LRMDA: variants seen among roughly 807,000 people sequenced by gnomAD.
The protein encoded by LRMDA is leucine rich melanocyte differentiation associated.
LRMDA carries 18 observed loss-of-function variants against 29.8 expected under a neutral mutation model. The ratio of observed to expected loss-of-function variants is 0.60; its 90% confidence interval spans 0.42 to 0.90. The LOEUF is 0.90. LRMDA is among the 40% of genes least tolerant of loss of function. The probability of loss-of-function intolerance (pLI) is 0.00; values close to 1 mark genes in which losing one functional copy is unlikely to be tolerated. For missense variants in LRMDA, 273 were observed against 273.9 expected (o/e 1.00, Z 0.02); for synonymous variants, 125 against 109.4 (o/e 1.14, Z -0.89).
At chr10:76,302,693 T>G (rs1840496690) in intron 5 of LRMDA, among the ~76,000 whole-genome samples, 1 of 152,224 alleles carries the variant, frequency 6.6e-6, no homozygotes, top group African/African-American at 2.4e-5. Flanking sequence ...CTTTGGTGAT[T>G]GTGAGATATT....
At chr10:75,846,881 C>A (rs898011978) in intron 2 of LRMDA, among the ~76,000 whole-genome samples, 7 of 152,064 alleles carry the variant, frequency 4.6e-5, no homozygotes, top group Admixed American at 2.0e-4. Flanking sequence ...TGGAAAGATA[C>A]CCTATGTACA....
At chr10:76,305,800 G>C (rs951883263) in intron 5 of LRMDA, among the ~76,000 whole-genome samples, 2 of 152,024 alleles carry the variant, frequency 1.3e-5, no homozygotes, top group East Asian at 3.9e-4. Flanking sequence ...TGAAACTTTT[G>C]ATGTTAACAG....
At chr10:75,718,265 G>T (rs555158527) in intron 2 of LRMDA, among the ~76,000 whole-genome samples, 189 of 152,304 alleles carry the variant, frequency 1.2e-3, no homozygotes, top group African/African-American at 4.2e-3. Flanking sequence ...CAGGTCTGTG[G>T]GTTGGTTGAG....
At chr10:76,278,813 A>G (rs538082844) in intron 5 of LRMDA, among the ~76,000 whole-genome samples, 1 of 152,190 alleles carries the variant, frequency 6.6e-6, no homozygotes, top group Non-Finnish European at 1.5e-5. Flanking sequence ...CTTTATTGAA[A>G]GATTCTTTTA....
rs180763033 is a variant in LRMDA, at chr10:76,206,884, G to A, written c.517-117517G>A. On this transcript the variant is annotated intron_variant, in intron 5 of 6. Coordinates refer to ENST00000611255, the MANE Select transcript of LRMDA (RefSeq NM_001305581.2). Reference sequence around the variant, plus strand: ...CTACCTATCTCCTTAAAGAGTCAGTGCCCATTTGTCCGGGGCTTGCTATGC... The same window carrying A: ...CTACCTATCTCCTTAAAGAGTCAGTACCCATTTGTCCGGGGCTTGCTATGC... Among the ~76,000 whole-genome samples the A allele has an allele frequency of 2.6e-3, 402 of 152,316 alleles. 1 individual carries two copies. The highest frequency in any genetic ancestry group is 0.017 in the Middle Eastern group (5 of 294).
At chr10:75,507,290 T>C (rs1440676738) in intron 2 of LRMDA, among the ~76,000 whole-genome samples, 1 of 152,158 alleles carries the variant, frequency 6.6e-6, no homozygotes, top group Non-Finnish European at 1.5e-5. Flanking sequence ...GGGGCGACCC[T>C]GGAGTGTCAC....
rs1198060291 is a variant in LRMDA at position 76,276,051 on chromosome 10, A to ATCTTTCTTTC, written c.517-48347_517-48346insTTCTTTCTCT. Among the ~76,000 whole-genome samples, 72 of 127,588 alleles carry ATCTTTCTTTC rather than the reference A, an allele frequency of 5.6e-4. No homozygotes were observed. In the East Asian group the frequency reaches 0.013, roughly 24 times the overall value. The allele number at this position is 127,588 out of a possible 152,430, so 83.7% of individuals were successfully genotyped here. The stretch of plus-strand genomic sequence containing the variant: ...TATCTATCTATCTATCTATCTATCT[A>ATCTTTCTTTC]TCTCTTTCTTTCTCTCTTTCTTTCT... On this transcript the variant is annotated intron_variant, in intron 5 of 6. Transcript: ENST00000611255.
At chr10:75,766,406 A>C (rs1030426213) in intron 2 of LRMDA, among the ~76,000 whole-genome samples, 1 of 152,148 alleles carries the variant, frequency 6.6e-6, no homozygotes, top group Non-Finnish European at 1.5e-5. Flanking sequence ...AAGGAGTGGA[A>C]GAATAAACCC....
Position 75,892,294 on chromosome 10 carries a change from G to C in LRMDA, c.132-143714G>C, listed in dbSNP as rs528599978. On this transcript the variant is annotated intron_variant, in intron 2 of 6. Transcript: ENST00000611255. ...TCTATGCCAACTCCAGTGCACACTA[G>C]GGAAACCTGGACTCCACACTGACTG... Among the ~76,000 whole-genome samples the C allele has an allele frequency of 1.6e-4, 24 of 152,274 alleles. No individual in the cohort carries two copies. The South Asian group carries it at 4.8e-3, about 30-fold the overall frequency.
intron 6 of LRMDA, among the ~76,000 whole-genome samples, chr10:76,528,642 A>G (rs1294324490): frequency 6.6e-6 from 1 of 152,170 alleles, no homozygotes; most frequent in Non-Finnish European, 1.5e-5. Flanking sequence ...ATAATAACAA[A>G]AAGAGTTTAT....
intron 2 of LRMDA, among the ~76,000 whole-genome samples, chr10:75,912,458 G>A (rs1023869881): frequency 1.3e-5 from 2 of 152,180 alleles, no homozygotes; most frequent in Admixed American, 1.3e-4. Context: ...TAGGGGTTGG[G>A]TTGGGCTTTG....
intron 5 of LRMDA, among the ~76,000 whole-genome samples, chr10:76,315,498 C>G (rs984980251): frequency 6.6e-6 from 1 of 152,224 alleles, no homozygotes; most frequent in Admixed American, 6.5e-5. Flanking sequence ...TGGCCAAGCC[C>G]GAGGGCTGTC....
At chr10:76,463,916 A>ATTTTTT (rs1842537059) in intron 6 of LRMDA, among the ~76,000 whole-genome samples, 1 of 49,890 alleles carries the variant, frequency 2.0e-5, no homozygotes, top group Non-Finnish European at 5.4e-5. Flanking sequence ...GTGCAAAATA[A>ATTTTTT]ATTTTTTTTT....
At chr10:75,459,235 AC>A (rs1366286147) in intron 2 of LRMDA, among the ~76,000 whole-genome samples, 3 of 152,124 alleles carry the variant, frequency 2.0e-5, no homozygotes, top group Non-Finnish European at 4.4e-5. Flanking sequence ...AGAGTTTGAG[AC>A]CTGCCTGGGC....
intron 2 of LRMDA, among the ~76,000 whole-genome samples, chr10:75,807,405 C>T (rs1843873591): frequency 1.3e-5 from 2 of 152,198 alleles, no homozygotes; most frequent in Admixed American, 6.5e-5. Context: ...ATCGCCTAGC[C>T]GTTGGCAAAG....
intron 3 of LRMDA, among the ~76,000 whole-genome samples, chr10:76,041,955 T>C (rs1848348092): frequency 6.6e-6 from 1 of 152,200 alleles, no homozygotes; most frequent in African/African-American, 2.4e-5. Flanking sequence ...TGATCCCCAC[T>C]GCAGTGGTCT....
chr10:75,518,363 A>G (rs1208687153), intron 2 of LRMDA, among the ~76,000 whole-genome samples: 2 of 152,162 alleles, frequency 1.3e-5, no homozygotes, highest in East Asian at 1.9e-4. Context: ...GCTGTTAATT[A>G]TTGCCTCAAT....
At chr10:76,279,107 A>G (rs758631467) in intron 5 of LRMDA, among the ~76,000 whole-genome samples, 1 of 152,210 alleles carries the variant, frequency 6.6e-6, no homozygotes, top group Non-Finnish European at 1.5e-5. Flanking sequence ...AGCAATACCT[A>G]TAATATTATA....
chr10:75,578,415 G>C (rs1406629520), intron 2 of LRMDA, among the ~76,000 whole-genome samples: 3 of 151,816 alleles, frequency 2.0e-5, no homozygotes, highest in Non-Finnish European at 4.4e-5. Context: ...AGTTCTTAGA[G>C]ACCTACAAAG....
Sources: gnomAD v4.1 joint callset for allele counts (sites outside exome capture counted in the v4.1 genomes callset) on GRCh38, gnomAD v4.1.1 for gene constraint, MANE v1.5 for transcripts, NCBI Gene and HGNC (gene_info 2026-07-23, HGNC 2026-07-21) for gene names.